POU3F1: variants seen among roughly 807,000 people sequenced by gnomAD.
POU3F1 encodes the protein POU class 3 homeobox 1.
In POU3F1, 1 loss-of-function variant was observed where a neutral mutation model predicts 7.6. The ratio of observed to expected loss-of-function variants is 0.13; its 90% CI spans 0.05 to 0.62. The LOEUF (loss-of-function observed/expected upper bound fraction) is 0.62, where lower values mean the gene tolerates loss of function less well. Among genes scored for constraint, POU3F1 ranks in the 20% least tolerant of loss-of-function variants. The pLI, the probability that POU3F1 is intolerant of heterozygous loss-of-function variation, is 0.87. For missense variants in POU3F1, 505 were observed against 679.3 expected, an observed-to-expected ratio of 0.74 and a Z score of 2.85; for synonymous variants, 354 against 339.0, an observed-to-expected ratio of 1.04 and a Z score of -0.49.
rs897692965 is a variant in POU3F1 at position 38,046,740 on chromosome 1, C to T, written c.4G>A (p.Ala2Thr). M[A>T]TTAQYLPRGP... ...CGCGGCAGGTACTGCGCGGTGGTGG[C>T]CATGCCGCCCCGCGCCCTGCGCCGC... Residue 2 changes from alanine to threonine, a missense_variant, in exon 1 of 1, where the codon GCC (alanine) becomes ACC (threonine). Physicochemically the swap from Ala to Thr is moderately conservative, Grantham distance 58. Around this residue, in one of 5 missense-constraint regions of POU3F1, gnomAD observed 361 missense variants for 382.1 expected, o/e 0.94. Transcript: ENST00000373012. The surrounding 1 kb of genome is among the most constrained non-coding windows in gnomAD (Gnocchi z 9.5). 1.9e-6 allele frequency: 2 copies of T among 1,026,216 alleles called. No homozygotes were observed. Among genetic ancestry groups the T allele is most frequent in the African/African-American group, 3.5e-5 (2 of 56,866 alleles). The allele number at this position is 1,026,216 out of a possible 1,614,324, so 63.6% of individuals were successfully genotyped here. A position where few individuals can be genotyped will look rare whatever the true frequency, so the allele number is the denominator to read the frequency against.
At position 38,046,501 on chromosome 1, in the gene POU3F1, G is replaced by A. The variant is rs775836700; in HGVS notation, c.243C>T (p.Gly81=). Reference sequence around the variant, plus strand: ...GGTGCGGGCCGCCGGCCCAATCGCCGCCGCCGCCTCCTCCCGTGGGTAGCC... The same window carrying A: ...GGTGCGGGCCGCCGGCCCAATCGCCACCGCCGCCTCCTCCCGTGGGTAGCC... ...PQWLPTGGGG[G]GDWAGGPHLE... The change falls in exon 1 of 1, where the codon GGC becomes GGT. Residue 81 remains glycine (G), a synonymous_variant. Transcript: ENST00000373012. This position sits in a 1 kb window ranked among gnomAD's most constrained non-coding sequence, Gnocchi z 9.5. The A allele has an allele frequency of 9.6e-5, 133 of 1,383,808 alleles. No homozygotes were observed. Among genetic ancestry groups the A allele is most frequent in the Non-Finnish European group, 1.2e-4 (131 of 1,067,652 alleles). The allele number at this position is 1,383,808 out of a possible 1,614,324, so 85.7% of individuals were successfully genotyped here. A position where few individuals can be genotyped will look rare whatever the true frequency, so the allele number is the denominator to read the frequency against.
chr1:38,046,059 G>T lies in POU3F1; in HGVS notation c.685C>A (p.His229Asn). 6.7e-7 allele frequency: 1 copy of T among 1,497,206 alleles called. No homozygotes were observed. Among genetic ancestry groups the T allele is most frequent in the East Asian group, 2.6e-5 (1 of 38,732 alleles). 92.7% of individuals were successfully genotyped at this position (1,497,206 alleles called of 1,614,324 possible). A position where few individuals can be genotyped will look rare whatever the true frequency, so the allele number is the denominator to read the frequency against. ...CCGCCGCCCGCGCCCGGGTGCAGGT[G>T]CGCCGCCGCCGCGTGCAGGCCGCCC... is the stretch of plus-strand genomic sequence containing the variant. ...HAGGLHAAAA[H>N]LHPGAGGGGS... The change falls in exon 1 of 1, where the codon CAC becomes AAC. Residue 229 changes from histidine (H) to asparagine (N), a missense_variant. This residue lies in a region of POU3F1 where 361 missense variants were observed against 382.1 expected (regional missense o/e 0.94). Transcript: ENST00000373012. This position sits in a 1 kb window ranked among gnomAD's most constrained non-coding sequence, Gnocchi z 9.5.
chr1:38,044,595 G>GT lies in POU3F1; in HGVS notation c.*792dup, dbSNP rs5773610. ...ATGAACACTCGAATTTTTTTTGTTA[G>GT]TTTTTTTTTTTTTTTTTTGCTTTTT... On this transcript the variant is annotated 3_prime_UTR_variant, in exon 1 of 1. Transcript: ENST00000373012. 0.065 allele frequency: 7,893 copies of GT among 121,520 alleles called. 243 individuals carry two copies. Among genetic ancestry groups the GT allele is most frequent in the African/African-American group, 0.085 (2,736 of 32,340 alleles). 7.5% of individuals were successfully genotyped at this position (121,520 alleles called of 1,614,324 possible). A position where few individuals can be genotyped will look rare whatever the true frequency, so the allele number is the denominator to read the frequency against.
chr1:38,043,912 T>C lies in POU3F1; in HGVS notation c.*1476A>G, dbSNP rs1339379307. Among the ~76,000 whole-genome samples, 1 of 151,972 alleles carries C rather than the reference T, an allele frequency of 6.6e-6. No individual in the cohort carries two copies. The highest frequency in any genetic ancestry group is 1.9e-4 in the East Asian group (1 of 5,194). ...CTTCCCAGTCTACATTATTTTTTTT[T>C]CAATAAAGATACAAAGAGAATGCAC... On this transcript the variant is annotated 3_prime_UTR_variant, in exon 1 of 1. Coordinates refer to ENST00000373012, the MANE Select transcript of POU3F1 (RefSeq NM_002699.4). The surrounding 1 kb of genome is among the most constrained non-coding windows in gnomAD (Gnocchi z 4.5).
At position 38,044,628 on chromosome 1, in the gene POU3F1, G is replaced by A. The variant is rs1322284232; in HGVS notation, c.*760C>T. Reference sequence around the variant, plus strand: ...TTTTTTTTTTTGCTTTTTTTTGGGGGGAGGGTAGGGTAGGGAAATATAAGG... The same window carrying A: ...TTTTTTTTTTTGCTTTTTTTTGGGGAGAGGGTAGGGTAGGGAAATATAAGG... On this transcript the variant is annotated 3_prime_UTR_variant, in exon 1 of 1. Coordinates refer to ENST00000373012, the MANE Select transcript of POU3F1 (RefSeq NM_002699.4). The A allele has an allele frequency of 1.3e-5, 2 of 151,522 alleles. No individual in the cohort carries two copies. Among genetic ancestry groups the A allele is most frequent in the African/African-American group, 4.9e-5 (2 of 41,188 alleles). The allele number at this position is 151,522 out of a possible 1,614,324, so 9.4% of individuals were successfully genotyped here.
Position 38,045,246 on chromosome 1 carries a change from G to C in POU3F1, c.*142C>G. On this transcript the variant is annotated 3_prime_UTR_variant, in exon 1 of 1. Transcript: ENST00000373012. The surrounding 1 kb of genome is among the most constrained non-coding windows in gnomAD (Gnocchi z 9.4). The stretch of plus-strand genomic sequence containing the variant: ...CCGCTCACCGGAGAGGGTCGTCCGG[G>C]TGTTTGGTTTTGTTCGAAAGTTTCT... The C allele has an allele frequency of 4.1e-6, 1 of 244,348 alleles. No homozygotes were observed. Among genetic ancestry groups the C allele is most frequent in the East Asian group, 1.6e-4 (1 of 6,308 alleles). 15.1% of individuals were successfully genotyped at this position (244,348 alleles called of 1,614,324 possible).
Position 38,046,343 on chromosome 1 carries a change from G to T in POU3F1, c.401C>A (p.Ala134Glu), listed in dbSNP as rs1646861423. The part of the protein sequence containing the change: ...AGAAWAQGST[A>E]HHLGPAMSPS... Reference sequence around the variant, plus strand: ...CGACATGGCCGGGCCCAAGTGGTGCGCTGTGCTGCCCTGCGCCCATGCCGC... The same window carrying T: ...CGACATGGCCGGGCCCAAGTGGTGCTCTGTGCTGCCCTGCGCCCATGCCGC... The change falls in exon 1 of 1, where the codon GCG (alanine) becomes GAG (glutamate). Residue 134 changes from alanine to glutamate, a missense_variant. Around this residue, in one of 5 missense-constraint regions of POU3F1, gnomAD observed 361 missense variants for 382.1 expected, o/e 0.94. Coordinates refer to ENST00000373012, the MANE Select transcript of POU3F1 (RefSeq NM_002699.4). This position sits in a 1 kb window ranked among gnomAD's most constrained non-coding sequence, Gnocchi z 9.5. The T allele has an allele frequency of 7.4e-6, 9 of 1,220,950 alleles. No individual in the cohort carries two copies. Among genetic ancestry groups the T allele is most frequent in the South Asian group, 2.9e-5 (1 of 34,616 alleles). 75.6% of individuals were successfully genotyped at this position (1,220,950 alleles called of 1,614,324 possible).
In POU3F1 at chr1:38,046,379, G is replaced by T; in HGVS notation, c.365C>A (p.Ala122Asp). 2 of 1,225,692 alleles carry T rather than the reference G, an allele frequency of 1.6e-6. No homozygotes were observed. Among genetic ancestry groups the T allele is most frequent in the East Asian group, 3.6e-5 (1 of 27,650 alleles). 75.9% of individuals were successfully genotyped at this position (1,225,692 alleles called of 1,614,324 possible). A position where few individuals can be genotyped will look rare whatever the true frequency, so the allele number is the denominator to read the frequency against. ...FHARLVHQGA[A>D]HAGAAWAQGS... is the part of the protein sequence containing the mutation. ...CTGCGCCCATGCCGCGCCCGCGTGG[G>T]CCGCCCCCTGGTGCACCAGGCGCGC... Residue 122 changes from alanine to aspartate, a missense_variant, in exon 1 of 1, where the codon GCC becomes GAC. By Grantham distance (126) the Ala-to-Asp change is moderately radical. Coordinates refer to ENST00000373012, the MANE Select transcript of POU3F1 (RefSeq NM_002699.4). This position sits in a 1 kb window ranked among gnomAD's most constrained non-coding sequence, Gnocchi z 9.5.
rs970973714 is a variant in POU3F1, at chr1:38,044,343, A to T, written c.*1045T>A. 2.0e-5 allele frequency among the ~76,000 whole-genome samples: 3 copies of T among 152,290 alleles called. No homozygotes were observed. The highest frequency in any genetic ancestry group is 7.2e-5 in the African/African-American group (3 of 41,478). On this transcript the variant is annotated 3_prime_UTR_variant, in exon 1 of 1. Transcript: ENST00000373012. ...GCAGGGAATCAGGCGGAGGGTTCTC[A>T]GGGAACGGCTTATTTCTACAGCTGG... is the stretch of plus-strand genomic sequence containing the variant.
Position 38,045,615 on chromosome 1 carries a change from G to T in POU3F1, c.1129C>A (p.Gln377Lys). 2 of 1,613,304 alleles carry T rather than the reference G, an allele frequency of 1.2e-6. No individual in the cohort carries two copies. Among genetic ancestry groups the T allele is most frequent in the Non-Finnish European group, 1.7e-6 (2 of 1,179,802 alleles). ...HEITGLADSL[Q>K]LEKEVVRVWF... is the part of the protein sequence containing the mutation. The stretch of plus-strand genomic sequence containing the variant: ...ACGCGCACCACCTCCTTCTCCAGCT[G>T]CAGGCTGTCTGCCAAGCCGGTGATC... Residue 377 changes from glutamine (Q) to lysine (K), a missense_variant, in exon 1 of 1, where the codon CAG becomes AAG. This residue lies in a region of POU3F1 where 24 missense variants were observed against 80.6 expected (regional missense o/e 0.30). Transcript: ENST00000373012. This position sits in a 1 kb window ranked among gnomAD's most constrained non-coding sequence, Gnocchi z 9.4.
Position 38,045,887 on chromosome 1 carries a change from T to G in POU3F1, c.857A>C (p.Asn286Thr). The G allele has an allele frequency of 6.2e-7, 1 of 1,613,814 alleles. No homozygotes were observed. The highest frequency in any genetic ancestry group is 8.5e-7 in the Non-Finnish European group (1 of 1,179,966). Residue 286 changes from asparagine to threonine, a missense_variant, in exon 1 of 1, where the codon AAC becomes ACC. Transcript: ENST00000373012. The surrounding 1 kb of genome is among the most constrained non-coding windows in gnomAD (Gnocchi z 9.4). ...GCAGATGGTGGTCTGCGAGAACACG[T>G]TACCGTAGAGCGTGCCCAGCGCCAG... ...VGLALGTLYG[N>T]VFSQTTICRF...
At position 38,044,520 on chromosome 1, in the gene POU3F1, T is replaced by TC. The variant is rs1355541373; in HGVS notation, c.*867dup. The TC allele has an allele frequency of 1.3e-5, 2 of 151,368 alleles. No individual in the cohort carries two copies. The highest frequency in any genetic ancestry group is 4.9e-5 in the African/African-American group (2 of 40,916). 9.4% of individuals were successfully genotyped at this position (151,368 alleles called of 1,614,324 possible). On this transcript the variant is annotated 3_prime_UTR_variant, in exon 1 of 1. Transcript: ENST00000373012. ...CTGGGTGTGTGGGAGCGCAGACCCC[T>TC]CCGGCGTGGCCGGGAACCAAGCCGG...
chr1:38,045,414 G>T lies in POU3F1; in HGVS notation c.1330C>A (p.His444Asn). The T allele has an allele frequency of 7.3e-7, 1 of 1,370,390 alleles. No individual in the cohort carries two copies. The highest frequency in any genetic ancestry group is 3.2e-5 in the Admixed American group (1 of 31,270). The allele number at this position is 1,370,390 out of a possible 1,614,324, so 84.9% of individuals were successfully genotyped here. ...PPAALHHHHH[H>N]TLPGSVQ Reference sequence around the variant, plus strand: ...CACTGCACTGAGCCGGGCAGTGTGTGGTGGTGGTGGTGGTGCAGCGCCGCC... The same window carrying T: ...CACTGCACTGAGCCGGGCAGTGTGTTGTGGTGGTGGTGGTGCAGCGCCGCC... The change falls in exon 1 of 1, where the codon CAC (histidine) becomes AAC (asparagine). Residue 444 changes from histidine (H) to asparagine (N), a missense_variant. Physicochemically the swap from His to Asn is moderately conservative, Grantham distance 68. Around this residue, in one of 5 missense-constraint regions of POU3F1, gnomAD observed 72 missense variants for 93.7 expected, o/e 0.77. Transcript: ENST00000373012. The surrounding 1 kb of genome is among the most constrained non-coding windows in gnomAD (Gnocchi z 9.4).
chr1:38,045,503 G>A lies in POU3F1; in HGVS notation c.1241C>T (p.Pro414Leu), dbSNP rs940414624. The A allele has an allele frequency of 7.6e-5, 120 of 1,569,670 alleles. No individual in the cohort carries two copies. The highest frequency in any genetic ancestry group is 9.9e-5 in the Non-Finnish European group (115 of 1,159,390). The change falls in exon 1 of 1, where the codon CCT becomes CTT. Residue 414 changes from proline (P) to leucine (L), a missense_variant. Coordinates refer to ENST00000373012, the MANE Select transcript of POU3F1 (RefSeq NM_002699.4). The surrounding 1 kb of genome is among the most constrained non-coding windows in gnomAD (Gnocchi z 9.4). ...GHPPMDDVYA[P>L]GELGPGGGGA... ...GCCCCCGCCAGGCCCTAGCTCCCCA[G>A]GCGCGTATACATCGTCCATGGGCGG...
chr1:38,045,916 C>G lies in POU3F1; in HGVS notation c.828G>C (p.Val276=). The G allele has an allele frequency of 6.2e-7, 1 of 1,613,720 alleles. No homozygotes were observed. Among genetic ancestry groups the G allele is most frequent in the Non-Finnish European group, 8.5e-7 (1 of 1,179,994 alleles). Residue 276 remains valine, a synonymous_variant, in exon 1 of 1, where the codon GTG becomes GTC. Transcript: ENST00000373012. The surrounding 1 kb of genome is among the most constrained non-coding windows in gnomAD (Gnocchi z 9.4). ...RIKLGFTQAD[V]GLALGTLYGN... is the part of the protein sequence containing the mutation. ...CGTAGAGCGTGCCCAGCGCCAGCCC[C>G]ACGTCGGCCTGCGTAAAGCCCAGCT... is the stretch of plus-strand genomic sequence containing the variant.
rs1646844857 is a variant in POU3F1 at position 38,044,161 on chromosome 1, T to C, written c.*1227A>G. ...GAAGGGTAACCCGGAAAACCAAAAA[T>C]AAAAACCAAGCACAAAATGTTTCTT... On this transcript the variant is annotated 3_prime_UTR_variant, in exon 1 of 1. Transcript: ENST00000373012. 6.6e-6 allele frequency among the ~76,000 whole-genome samples: 1 copy of C among 152,076 alleles called. No individual in the cohort carries two copies. Among genetic ancestry groups the C allele is most frequent in the East Asian group, 1.9e-4 (1 of 5,184 alleles).
chr1:38,045,803 T>C lies in POU3F1; in HGVS notation c.941A>G (p.Asn314Ser), dbSNP rs750586749. The C allele has an allele frequency of 1.1e-5, 18 of 1,613,902 alleles. No homozygotes were observed. Among genetic ancestry groups the C allele is most frequent in the African/African-American group, 4.0e-5 (3 of 74,918 alleles). The change falls in exon 1 of 1, where the codon AAC becomes AGC. Residue 314 changes from asparagine (N) to serine (S), a missense_variant. Asn to Ser is a conservative substitution (Grantham distance 46, BLOSUM62 1). Coordinates refer to ENST00000373012, the MANE Select transcript of POU3F1 (RefSeq NM_002699.4). The surrounding 1 kb of genome is among the most constrained non-coding windows in gnomAD (Gnocchi z 9.4). ...CGAGTCGGTCTCCTCCAGCCACTTG[T>C]TGAGCAGCGGCTTGAGCTTGCACAT... ...KNMCKLKPLL[N>S]KWLEETDSSS...
chr1:38,046,774 C>CGCCGCT lies in POU3F1; in HGVS notation c.-37_-32dup, dbSNP rs1646866398. On this transcript the variant is annotated 5_prime_UTR_variant, in exon 1 of 1. Transcript: ENST00000373012. The surrounding 1 kb of genome is among the most constrained non-coding windows in gnomAD (Gnocchi z 9.5). ...CCCGCGCCCTGCGCCGCGCCGCCGCCGCCGCTCCGCTCCGTCTGCGGGCCC... is the reference window on the plus strand; with the variant it reads ...CCCGCGCCCTGCGCCGCGCCGCCGCCGCCGCTGCCGCTCCGCTCCGTCTGCGGGCCC... 2 of 985,512 alleles carry CGCCGCT rather than the reference C, an allele frequency of 2.0e-6. No homozygotes were observed. The highest frequency in any genetic ancestry group is 1.3e-4 in the Admixed American group (2 of 15,930). The allele number at this position is 985,512 out of a possible 1,614,324, so 61.0% of individuals were successfully genotyped here. A position where few individuals can be genotyped will look rare whatever the true frequency, so the allele number is the denominator to read the frequency against.
chr1:38,045,427 G>C lies in POU3F1; in HGVS notation c.1317C>G (p.His439Gln), dbSNP rs1210506434. Residue 439 changes from histidine to glutamine, a missense_variant, in exon 1 of 1, where the codon CAC becomes CAG. Transcript: ENST00000373012. The surrounding 1 kb of genome is among the most constrained non-coding windows in gnomAD (Gnocchi z 9.4). ...CGGGCAGTGTGTGGTGGTGGTGGTG[G>C]TGCAGCGCCGCCGGCGGGGGCGGTG... ...APPPPPPAAL[H>Q]HHHHHTLPGS... The C allele has an allele frequency of 1.3e-5, 18 of 1,439,990 alleles. No homozygotes were observed. The highest frequency in any genetic ancestry group is 1.6e-5 in the Non-Finnish European group (18 of 1,106,374). 89.2% of individuals were successfully genotyped at this position (1,439,990 alleles called of 1,614,324 possible).
Sources: gnomAD v4.1 joint callset for allele counts (sites outside exome capture counted in the v4.1 genomes callset) on GRCh38, gnomAD v4.1.1 for gene constraint, gnomAD v4.1.1 regional missense constraint, Gnocchi (gnomAD v3.1) non-coding constraint, MANE v1.5 for transcripts, NCBI Gene and HGNC (gene_info 2026-07-23, HGNC 2026-07-21) for gene names.